HIP1: variants seen among roughly 807,000 people sequenced by gnomAD.
The protein encoded by HIP1 is huntingtin interacting protein 1, also known as huntingtin-interacting protein 1.
A neutral mutation model predicts 147.6 loss-of-function variants in HIP1; 65 were observed. The ratio of observed to expected loss-of-function variants is 0.44; its 90% CI spans 0.36 to 0.54. The LOEUF is 0.54. Ranked by LOEUF, HIP1 falls within the 20% of genes least tolerant of loss-of-function variation. HIP1 has a pLI of 0.00. For synonymous variants in HIP1, 479 were observed against 504.0 expected, an observed-to-expected ratio of 0.95 and a Z score of 0.67; for missense variants, 1,061 against 1,299.6, an observed-to-expected ratio of 0.82 and a Z score of 2.82.
intron 7 of HIP1, among the ~76,000 whole-genome samples, chr7:75,580,900 C>T (rs1796016095): frequency 6.6e-6 from 1 of 152,096 alleles, no homozygotes; most frequent in Non-Finnish European, 1.5e-5. Context: ...TGCCACCATG[C>T]CCGGCTAATT....
In HIP1 at chr7:75,669,411, A is replaced by G. The variant is rs941528428; in HGVS notation, c.120+69390T>C. Among the ~76,000 whole-genome samples, 6 of 151,738 alleles carry G rather than the reference A, an allele frequency of 4.0e-5. No individual in the cohort carries two copies. In the East Asian group the frequency reaches 9.7e-4, roughly 25 times the overall value. ...AAAACAAAACAAAAAAACAACAAAA[A>G]AATTAGCTGGGTGTGGTGGTGCGTG... is the stretch of plus-strand genomic sequence containing the variant. On this transcript the variant is annotated intron_variant, in intron 1 of 30. Transcript: ENST00000336926.
intron 1 of HIP1, among the ~76,000 whole-genome samples, chr7:75,615,013 T>C (rs1797599363): frequency 6.6e-6 from 1 of 152,010 alleles, no homozygotes; most frequent in South Asian, 2.1e-4. Flanking sequence ...CCTCAAGTGA[T>C]CCACCTGCCT....
At chr7:75,716,223 T>C (rs1468168308) in intron 1 of HIP1, among the ~76,000 whole-genome samples, 3 of 152,086 alleles carry the variant, frequency 2.0e-5, no homozygotes, top group Admixed American at 2.0e-4. Flanking sequence ...CTACGATTCC[T>C]GACTTCTCTT....
intron 1 of HIP1, among the ~76,000 whole-genome samples, chr7:75,666,153 T>C (rs890699965): frequency 1.3e-5 from 2 of 150,510 alleles, no homozygotes; most frequent in East Asian, 3.9e-4. Context: ...TCATGCTTTA[T>C]TAATTAATTA....
intron 1 of HIP1, among the ~76,000 whole-genome samples, chr7:75,666,828 A>G (rs1429257844): frequency 6.6e-6 from 1 of 152,212 alleles, no homozygotes; most frequent in East Asian, 1.9e-4. Flanking sequence ...ACAAGGGCAC[A>G]CACACCTACC....
intron 1 of HIP1, among the ~76,000 whole-genome samples, chr7:75,635,485 G>A (rs1798390733): frequency 6.6e-6 from 1 of 151,438 alleles, no homozygotes; most frequent in African/African-American, 2.4e-5. Flanking sequence ...GGCTAAGGCA[G>A]GAGAATCGCT....
chr7:75,689,079 G>A (rs573355044), intron 1 of HIP1, among the ~76,000 whole-genome samples: 9 of 152,272 alleles, frequency 5.9e-5, no homozygotes, highest in East Asian at 1.9e-4. Context: ...GGTAGGGCGC[G>A]GTGGCTCATG....
chr7:75,631,140 A>ATT lies in HIP1; in HGVS notation c.121-31895_121-31894dup, dbSNP rs11423074. On this transcript the variant is annotated intron_variant, in intron 1 of 30. Transcript: ENST00000336926. ...CAAACCCAGATAATTTGTTTTTTAAATTTTTTTTTTTTTAGTAGAGATAGG... is the reference window on the plus strand; with the variant it reads ...CAAACCCAGATAATTTGTTTTTTAAATTTTTTTTTTTTTTTAGTAGAGATAGG... Among the ~76,000 whole-genome samples, 14 of 147,874 alleles carry ATT rather than the reference A, an allele frequency of 9.5e-5. 1 individual carries two copies. Among genetic ancestry groups the ATT allele is most frequent in the Admixed American group, 4.1e-4 (6 of 14,756 alleles).
intron 1 of HIP1, among the ~76,000 whole-genome samples, chr7:75,727,155 G>C (rs1173967016): frequency 1.3e-5 from 2 of 152,110 alleles, no homozygotes; most frequent in African/African-American, 4.8e-5. Context: ...GTGTCACCCA[G>C]GCTGGAGTGT....
At chr7:75,702,878 G>A (rs185741895) in intron 1 of HIP1, among the ~76,000 whole-genome samples, 37 of 152,188 alleles carry the variant, frequency 2.4e-4, no homozygotes, top group African/African-American at 7.5e-4. Flanking sequence ...TCCCCACCCC[G>A]CAGGGATGGC....
intron 7 of HIP1, among the ~76,000 whole-genome samples, chr7:75,576,217 G>A (rs1427798768): frequency 1.3e-5 from 2 of 152,202 alleles, no homozygotes; most frequent in East Asian, 1.9e-4. Flanking sequence ...TGCATACCTC[G>A]TAAGGGTCTC....
chr7:75,616,552 C>T (rs1277782427), intron 1 of HIP1, among the ~76,000 whole-genome samples: 8 of 151,476 alleles, frequency 5.3e-5, no homozygotes, highest in East Asian at 4.0e-4. Context: ...GAATTACCGG[C>T]GCTAGCCACC....
At chr7:75,690,075 C>G (rs1305514365) in intron 1 of HIP1, among the ~76,000 whole-genome samples, 1 of 152,152 alleles carries the variant, frequency 6.6e-6, no homozygotes, top group Non-Finnish European at 1.5e-5. Context: ...ACTTCAAGAT[C>G]AGCCATGGGC....
intron 1 of HIP1, among the ~76,000 whole-genome samples, chr7:75,731,952 A>C (rs1554523082): frequency 6.6e-6 from 1 of 152,112 alleles, no homozygotes. Context: ...TTATTTTTTC[A>C]AAGAGCTCTC....
rs587703644 is a variant in HIP1 at position 75,617,865 on chromosome 7, A to G, written c.121-18618T>C. Among the ~76,000 whole-genome samples, 6 of 152,364 alleles carry G rather than the reference A, an allele frequency of 3.9e-5. No individual in the cohort carries two copies. The East Asian group carries it at 7.7e-4, about 20-fold the overall frequency. On this transcript the variant is annotated intron_variant, in intron 1 of 30. Transcript: ENST00000336926. ...GGCAGGTATTGCACCCAGAGGGCTC[A>G]TTCCCCATTCATCATAGTCACTGGT...
At chr7:75,586,569 C>T (rs1190541709) in intron 5 of HIP1, among the ~76,000 whole-genome samples, 184 bp downstream of exon 5, 5 of 152,144 alleles carry the variant, frequency 3.3e-5, no homozygotes, top group Non-Finnish European at 7.4e-5. Flanking sequence ...TCCCAGCCTT[C>T]GTCACACCCC....
intron 15 of HIP1, 134 bp downstream of exon 15, chr7:75,558,033 T>C (rs1183900799): frequency 2.7e-6 from 2 of 733,042 alleles, no homozygotes; most frequent in Non-Finnish European, 4.7e-6. Context: ...TGAAAAGGTG[T>C]GGTTCCCGAG....
chr7:75,638,131 T>C (rs891393847), intron 1 of HIP1, among the ~76,000 whole-genome samples: 1 of 151,232 alleles, frequency 6.6e-6, no homozygotes, highest in African/African-American at 2.4e-5. Flanking sequence ...GGCTGGACGG[T>C]AGGGACAGTA....
chr7:75,724,823 G>A (rs1270813112), intron 1 of HIP1, among the ~76,000 whole-genome samples: 3 of 152,200 alleles, frequency 2.0e-5, no homozygotes, highest in African/African-American at 7.2e-5. Flanking sequence ...TCAATTTCCT[G>A]GCTGCAAGTT....
Sources: allele counts gnomAD v4.1 joint callset (sites outside exome capture counted in the v4.1 genomes callset), GRCh38; gene constraint gnomAD v4.1.1; transcripts MANE v1.5; gene names NCBI Gene and HGNC (gene_info 2026-07-23, HGNC 2026-07-21).